SCMH1: variants seen among roughly 807,000 people sequenced by gnomAD.
SCMH1 encodes the protein polycomb protein SCMH1.
SCMH1 carries 37 observed loss-of-function variants against 70.8 expected under a neutral mutation model. The observed-to-expected ratio is 0.52, with a 90% CI of 0.40 to 0.69. The LOEUF (loss-of-function observed/expected upper bound fraction) is 0.69. Ranked by LOEUF, SCMH1 falls within the 30% of genes least tolerant of loss-of-function variation. The probability of loss-of-function intolerance (pLI) is 0.00; values close to 1 mark genes in which losing one functional copy is unlikely to be tolerated. For synonymous variants in SCMH1, 292 were observed against 307.4 expected (o/e 0.95, Z 0.52); for missense variants, 607 against 827.3 (o/e 0.73, Z 3.27).
At chr1:41,142,128 A>T (rs1644143031) in intron 6 of SCMH1, among the ~76,000 whole-genome samples, 1 of 152,060 alleles carries the variant, frequency 6.6e-6, no homozygotes, top group African/African-American at 2.4e-5. Flanking sequence ...TTTACATTAC[A>T]AATTTTTTTT....
At chr1:41,153,124 T>C (rs928434859) in intron 4 of SCMH1, among the ~76,000 whole-genome samples, 3 of 152,244 alleles carry the variant, frequency 2.0e-5, no homozygotes, top group African/African-American at 7.2e-5. Flanking sequence ...TATTATTCCA[T>C]CCTTACAAAT....
chr1:41,074,613 T>G (rs1657621708), intron 9 of SCMH1, among the ~76,000 whole-genome samples: 2 of 152,320 alleles, frequency 1.3e-5, no homozygotes, highest in African/African-American at 4.8e-5. Context: ...ACATCTACTT[T>G]GGAAAGGTTA....
chr1:41,086,277 G>A (rs563517602), intron 8 of SCMH1, among the ~76,000 whole-genome samples: 2 of 152,228 alleles, frequency 1.3e-5, no homozygotes, highest in Admixed American at 6.5e-5. Flanking sequence ...AACAGAATAC[G>A]TAACTGACAT....
chr1:41,179,326 C>T (rs145208130), intron 2 of SCMH1, among the ~76,000 whole-genome samples: 3,093 of 152,222 alleles, frequency 0.02, 105 homozygotes, highest in African/African-American at 0.071. Flanking sequence ...CAAGAGCAAA[C>T]ACATTCAAAA....
At chr1:41,196,650 T>C (rs1653088116) in intron 1 of SCMH1, among the ~76,000 whole-genome samples, 1 of 152,146 alleles carries the variant, frequency 6.6e-6, no homozygotes, top group South Asian at 2.1e-4. Context: ...GCAATGACTA[T>C]AGGATATGAC....
chr1:41,134,201 G>A (rs1642881186), intron 6 of SCMH1, among the ~76,000 whole-genome samples: 2 of 152,162 alleles, frequency 1.3e-5, no homozygotes, highest in Non-Finnish European at 2.9e-5. Flanking sequence ...TATCTTAATA[G>A]ATGCAGAAAA....
intron 10 of SCMH1, among the ~76,000 whole-genome samples, chr1:41,049,857 A>T (rs1035322346): frequency 6.6e-6 from 1 of 151,006 alleles, no homozygotes; most frequent in Non-Finnish European, 1.5e-5. Context: ...TAAAGCCAGG[A>T]GTTTGAGACC....
intron 1 of SCMH1, among the ~76,000 whole-genome samples, chr1:41,205,111 G>A (rs574689942): frequency 9.6e-4 from 146 of 152,288 alleles, no homozygotes; most frequent in Non-Finnish European, 1.2e-3. Context: ...CCAGTCTGCA[G>A]CTCCCAGCAT....
chr1:41,201,547 T>C (rs987809371), intron 1 of SCMH1, among the ~76,000 whole-genome samples: 1 of 152,188 alleles, frequency 6.6e-6, no homozygotes, highest in African/African-American at 2.4e-5. Flanking sequence ...AGGAACCTTA[T>C]CAAGTGATAT....
At chr1:41,105,338 T>C (rs1204733025) in intron 8 of SCMH1, among the ~76,000 whole-genome samples, 1 of 152,206 alleles carries the variant, frequency 6.6e-6, no homozygotes, top group Non-Finnish European at 1.5e-5. Flanking sequence ...ATTAAGTGAA[T>C]ATCTGAATAA....
chr1:41,041,107 C>T (rs181003156), intron 12 of SCMH1, among the ~76,000 whole-genome samples: 2 of 152,096 alleles, frequency 1.3e-5, no homozygotes, highest in Admixed American at 1.3e-4. Flanking sequence ...GAGCTTTCCC[C>T]TTTATGGGTG....
chr1:41,061,164 G>A (rs75567531), intron 10 of SCMH1, among the ~76,000 whole-genome samples: 2,033 of 152,236 alleles, frequency 0.013, 45 homozygotes, highest in African/African-American at 0.047. Context: ...TTAGTTTATA[G>A]TTTAAACGAT....
Position 41,055,351 on chromosome 1 carries a change from G to A in SCMH1, c.1106-6461C>T, listed in dbSNP as rs182130757. 7.4e-5 allele frequency among the ~76,000 whole-genome samples: 11 copies of A among 149,486 alleles called. No individual in the cohort carries two copies. In the East Asian group the frequency reaches 1.3e-3, roughly 17 times the overall value. ...GCCAACATGTGCCCAGCTGGATTTC[G>A]GAATTTCTTTTTTTTTGAGATGGAG... On this transcript the variant is annotated intron_variant, in intron 10 of 14. Transcript: ENST00000337495.
At chr1:41,133,419 C>T (rs974931470) in intron 6 of SCMH1, among the ~76,000 whole-genome samples, 5 of 151,950 alleles carry the variant, frequency 3.3e-5, no homozygotes. Flanking sequence ...TAGCAGAAGA[C>T]AAGAAATAAC....
intron 1 of SCMH1, among the ~76,000 whole-genome samples, chr1:41,225,144 T>C (rs1660016645): frequency 6.6e-6 from 1 of 152,190 alleles, no homozygotes; most frequent in African/African-American, 2.4e-5. Flanking sequence ...ATTAATATAA[T>C]TTCAAAATAA....
chr1:41,200,172 C>A (rs915680939), intron 1 of SCMH1, among the ~76,000 whole-genome samples: 1 of 152,068 alleles, frequency 6.6e-6, no homozygotes, highest in South Asian at 2.1e-4. Context: ...GGAAACCTCA[C>A]AATTCTATAA....
At chr1:41,141,872 T>C (rs1009163338) in intron 6 of SCMH1, among the ~76,000 whole-genome samples, 2 of 152,192 alleles carry the variant, frequency 1.3e-5, no homozygotes, top group African/African-American at 4.8e-5. Flanking sequence ...TTAAAATATT[T>C]GTTGATATTA....
At chr1:41,220,162 G>A (rs552136937) in intron 1 of SCMH1, among the ~76,000 whole-genome samples, 11 of 152,292 alleles carry the variant, frequency 7.2e-5, no homozygotes, top group Non-Finnish European at 1.5e-5. Flanking sequence ...TTTGGGGATT[G>A]GGACTTATTT....
upstream of SCMH1, chr1:41,242,163 T>A (rs1663734873): frequency 8.1e-6 from 1 of 122,878 alleles, no homozygotes; most frequent in African/African-American, 3.0e-5. This position sits in a 1 kb window ranked among gnomAD's most constrained non-coding sequence, Gnocchi z 5.2. Flanking sequence ...GGCGGGCGGC[T>A]CGGGAGAGCG....
Sources: allele counts gnomAD v4.1 joint callset (sites outside exome capture counted in the v4.1 genomes callset), GRCh38; gene constraint gnomAD v4.1.1; non-coding constraint Gnocchi (gnomAD v3.1); transcripts MANE v1.5; gene names NCBI Gene and HGNC (gene_info 2026-07-23, HGNC 2026-07-21).